RGS22: variants seen among roughly 807,000 people sequenced by gnomAD.
The protein encoded by RGS22 is regulator of G protein signaling 22.
A neutral mutation model predicts 172.9 loss-of-function variants in RGS22; 148 were observed. The ratio of observed to expected loss-of-function variants is 0.86; its 90% CI spans 0.75 to 0.98. The LOEUF (loss-of-function observed/expected upper bound fraction) is 0.98, where lower values mean the gene tolerates loss of function less well. Among genes scored for constraint, RGS22 ranks in the 50% least tolerant of loss-of-function variants. The probability of loss-of-function intolerance (pLI) is 0.00; values close to 1 mark genes in which losing one functional copy is unlikely to be tolerated. For synonymous variants in RGS22, 458 were observed against 480.2 expected (o/e 0.95, Z 0.60); for missense variants, 1,347 against 1,440.8 (o/e 0.93, Z 1.05).
At chr8:100,056,230 T>A (rs1822232211) in intron 9 of RGS22, among the ~76,000 whole-genome samples, 2 of 152,050 alleles carry the variant, frequency 1.3e-5, no homozygotes, top group Non-Finnish European at 2.9e-5. Flanking sequence ...TTGAGAGAGA[T>A]GATTTAGGGT....
rs184848370 is a variant in RGS22, at chr8:99,979,448, A to G, written c.3361-1373T>C. Among the ~76,000 whole-genome samples, 28 of 152,316 alleles carry G rather than the reference A, an allele frequency of 1.8e-4. No individual in the cohort carries two copies. The East Asian group carries it at 5.4e-3, about 29-fold the overall frequency. On this transcript the variant is annotated intron_variant, in intron 22 of 27. Coordinates refer to ENST00000360863, the MANE Select transcript of RGS22 (RefSeq NM_015668.5). ...TTACCCTGTACCTCTCTAATCTTAA[A>G]AGATAACCAAATTGTGGATAAGAAA...
At chr8:100,011,353 T>C (rs560692657) in intron 14 of RGS22, among the ~76,000 whole-genome samples, 2 of 152,198 alleles carry the variant, frequency 1.3e-5, no homozygotes, top group Non-Finnish European at 2.9e-5. Flanking sequence ...AGAAATTATA[T>C]GCCACCTTCA....
At chr8:99,999,726 G>T (rs1170422379) in intron 18 of RGS22, among the ~76,000 whole-genome samples, 1 of 152,072 alleles carries the variant, frequency 6.6e-6, no homozygotes, top group Non-Finnish European at 1.5e-5. Flanking sequence ...TCCCTCCATG[G>T]ACTCAGTATC....
At chr8:99,997,482 C>T (rs1814518904) in intron 19 of RGS22, among the ~76,000 whole-genome samples, 1 of 152,200 alleles carries the variant, frequency 6.6e-6, no homozygotes, top group Non-Finnish European at 1.5e-5. Context: ...GTCAATCCTT[C>T]TTCTTCATAC....
chr8:100,065,091 C>G (rs1384242450), intron 7 of RGS22, among the ~76,000 whole-genome samples: 1 of 152,210 alleles, frequency 6.6e-6, no homozygotes, highest in Admixed American at 6.5e-5. Flanking sequence ...TAACTGTTGT[C>G]ATCCATGCCC....
Position 100,071,478 on chromosome 8 carries a change from C to A in RGS22, c.485G>T (p.Gly162Val). The change falls in exon 6 of 28, where the codon GGA (glycine) becomes GTA (valine). Residue 162 changes from glycine (G) to valine (V), a missense_variant. Coordinates refer to ENST00000360863, the MANE Select transcript of RGS22 (RefSeq NM_015668.5). ...WSKSGMNFTV[G>V]SNFSPWIVKK... The stretch of plus-strand genomic sequence containing the variant: ...CACGATCCAGGGAGAAAAATTTGAT[C>A]CTACTGTGAAATTCATGCCGGACTT... 6.2e-7 allele frequency: 1 copy of A among 1,612,676 alleles called. No individual in the cohort carries two copies. Among genetic ancestry groups the A allele is most frequent in the Non-Finnish European group, 8.5e-7 (1 of 1,179,172 alleles).
chr8:99,986,914 T>C (rs1057085433), intron 21 of RGS22, among the ~76,000 whole-genome samples: 3 of 152,106 alleles, frequency 2.0e-5, no homozygotes, highest in Non-Finnish European at 2.9e-5. Context: ...TAAGAGATAA[T>C]TGATGTGTAG....
chr8:99,999,819 A>G (rs1814835231), intron 18 of RGS22, among the ~76,000 whole-genome samples: 1 of 152,200 alleles, frequency 6.6e-6, no homozygotes, highest in South Asian at 2.1e-4. Context: ...GATCCACTTA[A>G]GAATTTTCTT....
intron 19 of RGS22, 88 bp downstream of exon 19, chr8:99,999,174 G>T: frequency 9.7e-7 from 1 of 1,028,184 alleles, no homozygotes; most frequent in Non-Finnish European, 1.3e-6. Flanking sequence ...AAAAAAAAAA[G>T]GACAATGGCT....
rs774238691 is a variant in RGS22, at chr8:100,080,324, T to C, written c.149A>G (p.Asp50Gly). ...TFSEAIRFNA[D>G]YGVFEVANDA... is the part of the protein sequence containing the mutation. ...ATTAGCTACTTCAAAAACTCCATAA[T>C]CTGCATTAAATCTAATTGCCTCTGA... Residue 50 changes from aspartate (D) to glycine (G), a missense_variant, in exon 4 of 28, where the codon GAT (aspartate) becomes GGT (glycine). Physicochemically the swap from Asp to Gly is moderately conservative, Grantham distance 94. Transcript: ENST00000360863. The C allele has an allele frequency of 6.2e-7, 1 of 1,613,080 alleles. No homozygotes were observed. Among genetic ancestry groups the C allele is most frequent in the Admixed American group, 1.7e-5 (1 of 59,908 alleles).
At chr8:100,080,462 T>C (rs746249412) in intron 3 of RGS22, 107 bp from the exon 4 acceptor site, 11 of 765,376 alleles carry the variant, frequency 1.4e-5, no homozygotes, top group East Asian at 2.7e-5. Flanking sequence ...CACAGAGTTC[T>C]GTGTTTGTAA....
chr8:100,068,713 C>A (rs1161219478), intron 6 of RGS22, among the ~76,000 whole-genome samples: 5 of 152,024 alleles, frequency 3.3e-5, no homozygotes, highest in Admixed American at 2.6e-4. Flanking sequence ...GAGTGAATTG[C>A]TGGAGCTCAG....
At chr8:99,965,562 G>T (rs934448607) in intron 23 of RGS22, 132 bp from the exon 24 acceptor site, 5 of 556,810 alleles carry the variant, frequency 9.0e-6, no homozygotes, top group African/African-American at 7.5e-5. Context: ...GTTTCATCAA[G>T]TCAATATCAC....
At chr8:99,966,834 C>T (rs1451909996) in intron 23 of RGS22, among the ~76,000 whole-genome samples, 1 of 152,192 alleles carries the variant, frequency 6.6e-6, no homozygotes, top group Non-Finnish European at 1.5e-5. Context: ...GCTCTGTTCC[C>T]ATTAAATAAT....
intron 11 of RGS22, among the ~76,000 whole-genome samples, chr8:100,046,934 C>A (rs1820787508): frequency 6.6e-6 from 1 of 151,950 alleles, no homozygotes; most frequent in Admixed American, 6.6e-5. Flanking sequence ...TATCCCTCAG[C>A]CTTCCGAGTA....
intron 12 of RGS22, among the ~76,000 whole-genome samples, chr8:100,040,564 G>A (rs917607163): frequency 1.3e-5 from 2 of 152,108 alleles, no homozygotes; most frequent in African/African-American, 4.8e-5. Flanking sequence ...GTCTCACCCT[G>A]TATAGGTCAT....
chr8:100,037,646 GA>G (rs919679614), intron 14 of RGS22, among the ~76,000 whole-genome samples: 6 of 152,062 alleles, frequency 3.9e-5, no homozygotes, highest in Admixed American at 3.9e-4. Flanking sequence ...AAATTATTAA[GA>G]AAAAAACTCA....
intron 19 of RGS22, 96 bp from the exon 20 acceptor site, chr8:99,996,626 A>T (rs1408504850): frequency 9.6e-7 from 1 of 1,041,842 alleles, no homozygotes; most frequent in African/African-American, 1.6e-5. Flanking sequence ...ATAAAGGTTA[A>T]CTTGGACAAG....
rs376301062 is a variant in RGS22, at chr8:99,987,487, G to C, written c.3151C>G (p.Leu1051Val). Residue 1051 changes from leucine to valine, a missense_variant, in exon 21 of 28, where the codon CTC becomes GTC. Coordinates refer to ENST00000360863, the MANE Select transcript of RGS22 (RefSeq NM_015668.5). ...TATTTTTGTACTTCTTGCCAAAAGA[G>C]TAAACCATTTTCCAATAAATCTCCT... Reference protein sequence around the residue: ...LKGDLLENGLLFWQEVQKYKD... With the variant: ...LKGDLLENGLVFWQEVQKYKD... 6.8e-5 allele frequency: 110 copies of C among 1,610,384 alleles called. 3 individuals carry two copies. In the Admixed American group the frequency reaches 1.1e-3, roughly 16 times the overall value.
Sources: gnomAD v4.1 joint callset for allele counts (sites outside exome capture counted in the v4.1 genomes callset) on GRCh38, gnomAD v4.1.1 for gene constraint, MANE v1.5 for transcripts, NCBI Gene and HGNC (gene_info 2026-07-23, HGNC 2026-07-21) for gene names.